The following STK4 variants were observed in gnomAD, a reference collection of about 807,000 sequenced individuals.
The protein encoded by STK4 is serine/threonine-protein kinase 4.
STK4 carries 30 observed loss-of-function variants against 64.9 expected under a neutral mutation model. The observed-to-expected ratio is 0.46, with a 90% CI of 0.35 to 0.63. STK4 has a LOEUF of 0.63. STK4 is among the 20% of genes least tolerant of loss of function. The probability of loss-of-function intolerance (pLI) is 0.01; values close to 1 mark genes in which losing one functional copy is unlikely to be tolerated. For synonymous variants in STK4, 177 were observed against 199.0 expected (o/e 0.89, Z 0.93); for missense variants, 466 against 598.5 (o/e 0.78, Z 2.31).
At chr20:45,025,429 T>G (rs564998758) in intron 10 of STK4, among the ~76,000 whole-genome samples, 1 of 152,334 alleles carries the variant, frequency 6.6e-6, no homozygotes, top group African/African-American at 2.4e-5. Flanking sequence ...TTTAATAGTT[T>G]ATTTGGGGTT....
intron 10 of STK4, among the ~76,000 whole-genome samples, chr20:45,071,676 C>T (rs1264607909): frequency 6.6e-6 from 1 of 152,170 alleles, no homozygotes; most frequent in African/African-American, 2.4e-5. Flanking sequence ...ATTTTACTAA[C>T]AGAAAAATAA....
chr20:45,075,516 C>G lies in STK4; in HGVS notation c.*340C>G, dbSNP rs1368741736. Reference sequence around the variant, plus strand: ...TCCCAATAGCTTTCAATTGTTCTTTCTGGAAGACTTTTAAAAAAATATAAA... The same window carrying G: ...TCCCAATAGCTTTCAATTGTTCTTTGTGGAAGACTTTTAAAAAAATATAAA... On this transcript the variant is annotated 3_prime_UTR_variant, in exon 11 of 11. Transcript: ENST00000372806. 6.0e-6 allele frequency: 1 copy of G among 167,150 alleles called. No individual in the cohort carries two copies. The highest frequency in any genetic ancestry group is 2.4e-5 in the African/African-American group (1 of 41,726). 10.4% of individuals were successfully genotyped at this position (167,150 alleles called of 1,614,324 possible).
chr20:44,994,456 A>AT (rs1270827116), intron 5 of STK4, among the ~76,000 whole-genome samples: 1 of 149,512 alleles, frequency 6.7e-6, no homozygotes, highest in African/African-American at 2.5e-5. Flanking sequence ...TATGTTGTGC[A>AT]TTTTTTTCAT....
chr20:44,966,555 C>T lies in STK4; in HGVS notation c.-14C>T, dbSNP rs2038271550. ...TGGAGCAGTGAGCGGGTCTGGGCGG[C>T]TGCTGGCAGCGCCATGGAGACGGTA... On this transcript the variant is annotated 5_prime_UTR_variant, in exon 1 of 11. Transcript: ENST00000372806. The T allele has an allele frequency of 7.9e-7, 1 of 1,266,412 alleles. No individual in the cohort carries two copies. Among genetic ancestry groups the T allele is most frequent in the African/African-American group, 1.5e-5 (1 of 64,698 alleles). 78.4% of individuals were successfully genotyped at this position (1,266,412 alleles called of 1,614,324 possible).
At position 45,072,935 on chromosome 20, in the gene STK4, A is replaced by G. The variant is rs188281026; in HGVS notation, c.1306-2083A>G. ...CTATATGAAGTTCTGAGCTAAGACCATCAGACCATTATCTCATGTAAGTCT... is the reference window on the plus strand; with the variant it reads ...CTATATGAAGTTCTGAGCTAAGACCGTCAGACCATTATCTCATGTAAGTCT... On this transcript the variant is annotated intron_variant, in intron 10 of 10. Transcript: ENST00000372806. 8.7e-4 allele frequency among the ~76,000 whole-genome samples: 133 copies of G among 152,354 alleles called. No homozygotes were observed. The East Asian group carries it at 0.012, about 13-fold the overall frequency.
chr20:45,026,955 T>C (rs1316448129), intron 10 of STK4, among the ~76,000 whole-genome samples: 1 of 152,208 alleles, frequency 6.6e-6, no homozygotes, highest in Non-Finnish European at 1.5e-5. Flanking sequence ...TGTTCCATGT[T>C]GCCTGTATAG....
chr20:44,982,574 C>G (rs1420527865), intron 4 of STK4, among the ~76,000 whole-genome samples: 1 of 152,136 alleles, frequency 6.6e-6, no homozygotes, highest in Non-Finnish European at 1.5e-5. Flanking sequence ...ATTTGGGTTT[C>G]TGCTTCTACC....
intron 10 of STK4, among the ~76,000 whole-genome samples, chr20:45,046,750 C>T (rs1379843262): frequency 1.3e-5 from 2 of 151,592 alleles, no homozygotes; most frequent in African/African-American, 2.4e-5. Context: ...GGCGTGATCT[C>T]GGCTCACTGC....
At chr20:45,044,994 G>A (rs936792189) in intron 10 of STK4, among the ~76,000 whole-genome samples, 3 of 151,764 alleles carry the variant, frequency 2.0e-5, no homozygotes, top group Admixed American at 6.6e-5. Context: ...TTATAAGGCC[G>A]TTGATGTTTA....
chr20:45,035,930 C>T (rs1252787885), intron 10 of STK4, among the ~76,000 whole-genome samples: 1 of 152,270 alleles, frequency 6.6e-6, no homozygotes, highest in Admixed American at 6.5e-5. Context: ...TATGTTACCT[C>T]GCTCTCAGAA....
chr20:45,007,482 G>C (rs940285999), intron 9 of STK4, among the ~76,000 whole-genome samples: 4 of 152,080 alleles, frequency 2.6e-5, no homozygotes, highest in African/African-American at 9.7e-5. Context: ...AGGAGGTGGA[G>C]GTTGCAGTGA....
chr20:44,992,404 G>A (rs892364034), intron 5 of STK4, among the ~76,000 whole-genome samples: 1 of 150,964 alleles, frequency 6.6e-6, no homozygotes, highest in Non-Finnish European at 1.5e-5. Context: ...GACTACAGGT[G>A]TGTGCCACTT....
At chr20:45,064,140 A>G (rs531575339) in intron 10 of STK4, among the ~76,000 whole-genome samples, 3 of 152,206 alleles carry the variant, frequency 2.0e-5, no homozygotes, top group South Asian at 2.1e-4. Context: ...TCTTCTGCAT[A>G]TGGCTAGCCA....
At chr20:45,044,216 C>A in intron 10 of STK4, among the ~76,000 whole-genome samples, 1 of 152,176 alleles carries the variant, frequency 6.6e-6, no homozygotes, top group East Asian at 1.9e-4. Flanking sequence ...AAACTACTTC[C>A]CTTACAGTAA....
intron 10 of STK4, among the ~76,000 whole-genome samples, chr20:45,033,021 A>G (rs1487044376): frequency 6.6e-6 from 1 of 152,126 alleles, no homozygotes; most frequent in African/African-American, 2.4e-5. Context: ...TCTAATGGTT[A>G]GTGATGTTGA....
intron 9 of STK4, among the ~76,000 whole-genome samples, chr20:45,006,742 T>C (rs1406526428): frequency 1.3e-5 from 2 of 152,168 alleles, no homozygotes; most frequent in Non-Finnish European, 2.9e-5. Context: ...TTTCTAGAAG[T>C]TGATTTTTTC....
chr20:45,038,829 GTT>G, intron 10 of STK4, among the ~76,000 whole-genome samples: 1 of 151,866 alleles, frequency 6.6e-6, no homozygotes, highest in Admixed American at 6.6e-5. Context: ...CATTAATGTA[GTT>G]TTTTTCAATG....
chr20:45,017,585 A>T (rs551932063), intron 9 of STK4, among the ~76,000 whole-genome samples: 8 of 152,168 alleles, frequency 5.3e-5, no homozygotes, highest in Non-Finnish European at 1.0e-4. Context: ...GAAAGTAAGG[A>T]GTTTGAACCT....
chr20:45,025,087 A>C lies in STK4; in HGVS notation c.1262A>C (p.Asn421Thr). 1 of 1,613,336 alleles carries C rather than the reference A, an allele frequency of 6.2e-7. No homozygotes were observed. The part of the protein sequence containing the change: ...FGKSVPGPLK[N>T]SSDWKIPQDG... ...AAGAGTGTACCTGGTCCACTGAAAA[A>C]TTCTTCAGATTGGAAAATACCACAG... The change falls in exon 10 of 11, where the codon AAT becomes ACT. Residue 421 changes from asparagine (N) to threonine (T), a missense_variant. By Grantham distance (65) the Asn-to-Thr change is moderately conservative. This residue lies in a region of STK4 where 276 missense variants were observed against 308.9 expected (regional missense o/e 0.89). Transcript: ENST00000372806.
Sources: allele counts gnomAD v4.1 joint callset (sites outside exome capture counted in the v4.1 genomes callset), GRCh38; gene constraint gnomAD v4.1.1; regional missense constraint gnomAD v4.1.1; transcripts MANE v1.5; gene names NCBI Gene and HGNC (gene_info 2026-07-23, HGNC 2026-07-21).